Variants in TMCC1 observed in about 807,000 individuals in gnomAD.
TMCC1 encodes the protein transmembrane and coiled-coil domains protein 1.
In TMCC1, 15 loss-of-function variants were observed where a neutral mutation model predicts 52.4. That is an observed-to-expected ratio of 0.29 (90% CI 0.19 to 0.44). TMCC1 has a LOEUF of 0.44. Among genes scored for constraint, TMCC1 ranks in the 20% least tolerant of loss-of-function variants. The probability of loss-of-function intolerance (pLI) is 1.00; values close to 1 mark genes in which losing one functional copy is unlikely to be tolerated. For synonymous variants in TMCC1, 279 were observed against 301.9 expected (o/e 0.92, Z 0.79); for missense variants, 503 against 806.0 (o/e 0.62, Z 4.55).
intron 4 of TMCC1, among the ~76,000 whole-genome samples, chr3:129,732,808 C>T (rs1425225743): frequency 6.6e-6 from 1 of 152,098 alleles, no homozygotes; most frequent in Non-Finnish European, 1.5e-5. Context: ...TGCAGGACTG[C>T]TTGAGGTTCA....
chr3:129,800,344 C>T (rs1323895736), intron 4 of TMCC1, among the ~76,000 whole-genome samples: 1 of 151,984 alleles, frequency 6.6e-6, no homozygotes, highest in African/African-American at 2.4e-5. Flanking sequence ...GTATATGTAG[C>T]CTAAAAATGG....
In TMCC1 at chr3:129,668,647, CG is replaced by C. The variant is rs1256577914; in HGVS notation, c.1511+1682del. Among the ~76,000 whole-genome samples, 3 of 152,174 alleles carry C rather than the reference CG, an allele frequency of 2.0e-5. No individual in the cohort carries two copies. In the East Asian group the frequency reaches 5.8e-4, roughly 29 times the overall value. On this transcript the variant is annotated intron_variant, in intron 5 of 6. Transcript: ENST00000393238. ...AATTTATTTTTATTTTCATTTGACACGGAGTTTTGCTCTTGTTGCCCAGGCT... is the reference window on the plus strand; with the variant it reads ...AATTTATTTTTATTTTCATTTGACACGAGTTTTGCTCTTGTTGCCCAGGCT...
At chr3:129,719,721 A>G (rs1407087331) in intron 4 of TMCC1, among the ~76,000 whole-genome samples, 8 of 152,202 alleles carry the variant, frequency 5.3e-5, no homozygotes, top group East Asian at 1.9e-4. Flanking sequence ...TGTTGAGAGG[A>G]TAGTGGGAGA....
At position 129,711,259 on chromosome 3, in the gene TMCC1, GTTTA is replaced by G. The variant is rs938917400; in HGVS notation, c.577-39999_577-39996del. Among the ~76,000 whole-genome samples, 5 of 152,274 alleles carry G rather than the reference GTTTA, an allele frequency of 3.3e-5. No homozygotes were observed. The South Asian group carries it at 6.2e-4, about 19-fold the overall frequency. ...AATAAGCATTCAGTCTATGTCCAAA[GTTTA>G]TTTAATTCTCATGTCTGTAAGAAAA... On this transcript the variant is annotated intron_variant, in intron 4 of 6. Coordinates refer to ENST00000393238, the MANE Select transcript of TMCC1 (RefSeq NM_001017395.5).
intron 4 of TMCC1, among the ~76,000 whole-genome samples, chr3:129,764,343 T>C (rs1231318892): frequency 6.6e-6 from 1 of 152,184 alleles, no homozygotes; most frequent in African/African-American, 2.4e-5. Flanking sequence ...AACAGGACAC[T>C]CTGCCACAGT....
At chr3:129,824,658 A>C (rs1389568415) in intron 4 of TMCC1, among the ~76,000 whole-genome samples, 1 of 149,426 alleles carries the variant, frequency 6.7e-6, no homozygotes, top group Non-Finnish European at 1.5e-5. Flanking sequence ...TTGCTACGTA[A>C]AGTATCTTTA....
chr3:129,799,790 C>T (rs760501166), intron 4 of TMCC1, among the ~76,000 whole-genome samples: 52 of 152,094 alleles, frequency 3.4e-4, no homozygotes, highest in East Asian at 2.9e-3. Flanking sequence ...CCAGCCTGGG[C>T]GACAGAGCGA....
In TMCC1 at chr3:129,783,446, AT is replaced by A. The variant is rs374772517; in HGVS notation, c.576+44356del. On this transcript the variant is annotated intron_variant, in intron 4 of 6. Transcript: ENST00000393238. ...CAGCTCTAGCATTTATTTTATGATCATTTTTTTTCCCACATGATATACCCCT... is the reference window on the plus strand; with the variant it reads ...CAGCTCTAGCATTTATTTTATGATCATTTTTTTCCCACATGATATACCCCT... Among the ~76,000 whole-genome samples, 264 of 151,906 alleles carry A rather than the reference AT, an allele frequency of 1.7e-3. 1 individual carries two copies. Among genetic ancestry groups the A allele is most frequent in the African/African-American group, 4.9e-3 (203 of 41,444 alleles).
At chr3:129,787,176 T>A (rs1237710049) in intron 4 of TMCC1, among the ~76,000 whole-genome samples, 1 of 152,198 alleles carries the variant, frequency 6.6e-6, no homozygotes, top group Non-Finnish European at 1.5e-5. Context: ...AGGAGAAACC[T>A]TCAGAGAGGT....
At chr3:129,865,298 G>A (rs550292137) in intron 2 of TMCC1, among the ~76,000 whole-genome samples, 1 of 151,834 alleles carries the variant, frequency 6.6e-6, no homozygotes, top group Non-Finnish European at 1.5e-5. Flanking sequence ...TGGAAGTACA[G>A]GTACATGACA....
chr3:129,887,269 T>C (rs1158863119), intron 1 of TMCC1, among the ~76,000 whole-genome samples: 1 of 151,344 alleles, frequency 6.6e-6, no homozygotes, highest in Non-Finnish European at 1.5e-5. Context: ...CTGGGCTAGG[T>C]GCACTGGCTC....
chr3:129,846,597 A>G (rs576801779), intron 2 of TMCC1, among the ~76,000 whole-genome samples: 50 of 152,276 alleles, frequency 3.3e-4, no homozygotes, highest in African/African-American at 1.1e-3. Context: ...TCTTTTACCA[A>G]CCAGTCATTC....
chr3:129,717,477 T>C (rs2049196889), intron 4 of TMCC1, among the ~76,000 whole-genome samples: 1 of 152,160 alleles, frequency 6.6e-6, no homozygotes, highest in Non-Finnish European at 1.5e-5. Flanking sequence ...ATCCTATGAC[T>C]CTAAGAGTCT....
intron 2 of TMCC1, among the ~76,000 whole-genome samples, chr3:129,835,937 T>C (rs1054860111): frequency 1.3e-5 from 2 of 152,110 alleles, no homozygotes; most frequent in African/African-American, 4.8e-5. Flanking sequence ...ACTCAGTAAT[T>C]ACATTAAATG....
intron 4 of TMCC1, among the ~76,000 whole-genome samples, chr3:129,760,401 A>AGTGTGTGTGTGT (rs200322394): frequency 3.6e-4 from 50 of 137,962 alleles, no homozygotes; most frequent in African/African-American, 1.3e-3. Context: ...ACGCCAGGCT[A>AGTGTGTGTGTGT]GTGTGTGTGT....
rs866386192 is a variant in TMCC1 at position 129,682,280 on chromosome 3, C to T, written c.577-11016G>A. 5.3e-5 allele frequency among the ~76,000 whole-genome samples: 8 copies of T among 152,208 alleles called. No homozygotes were observed. In the South Asian group the frequency reaches 1.4e-3, roughly 28 times the overall value. Reference sequence around the variant, plus strand: ...CAGAGTAGGTGGGACTACAGACCCACGTCACTATGCCCAGCTACAAATAAC... The same window carrying T: ...CAGAGTAGGTGGGACTACAGACCCATGTCACTATGCCCAGCTACAAATAAC... On this transcript the variant is annotated intron_variant, in intron 4 of 6. Transcript: ENST00000393238.
At chr3:129,781,885 G>A (rs2055562372) in intron 4 of TMCC1, among the ~76,000 whole-genome samples, 1 of 152,156 alleles carries the variant, frequency 6.6e-6, no homozygotes, top group Non-Finnish European at 1.5e-5. Flanking sequence ...TAGCAGAGAT[G>A]AGTAGTTAAT....
intron 4 of TMCC1, among the ~76,000 whole-genome samples, chr3:129,672,304 G>T (rs1217580236): frequency 6.6e-6 from 1 of 152,174 alleles, no homozygotes; most frequent in Admixed American, 6.5e-5. Flanking sequence ...GAAGGCTCTA[G>T]AAACTGTTCT....
intron 4 of TMCC1, among the ~76,000 whole-genome samples, chr3:129,806,484 G>C (rs1576922591): frequency 6.6e-6 from 1 of 152,262 alleles, no homozygotes; most frequent in South Asian, 2.1e-4. Context: ...GGGAAAACTG[G>C]AGAAAAGACC....
Sources: allele counts gnomAD v4.1 joint callset (sites outside exome capture counted in the v4.1 genomes callset), GRCh38; gene constraint gnomAD v4.1.1; transcripts MANE v1.5; gene names NCBI Gene and HGNC (gene_info 2026-07-23, HGNC 2026-07-21).